CCDC136: variants seen among roughly 807,000 people sequenced by gnomAD.
CCDC136 encodes coiled-coil domain-containing protein 136.
CCDC136 carries 100 observed loss-of-function variants against 141.2 expected under a neutral mutation model. That is an observed-to-expected ratio of 0.71 (90% CI 0.60 to 0.84). The LOEUF is 0.84. CCDC136 is among the 40% of genes least tolerant of loss of function. The pLI, the probability that CCDC136 is intolerant of heterozygous loss-of-function variation, is 0.00. For missense variants in CCDC136, 1,206 were observed against 1,379.4 expected (o/e 0.87, Z 1.99); for synonymous variants, 474 against 531.9 (o/e 0.89, Z 1.50).
upstream of CCDC136, chr7:128,791,558 G>C (rs1024925687): frequency 7.9e-7 from 1 of 1,260,666 alleles, no homozygotes; most frequent in Non-Finnish European, 1.0e-6. The surrounding 1 kb of genome is among the most constrained non-coding windows in gnomAD (Gnocchi z 7.1). Flanking sequence ...CCAGGTCAGA[G>C]CCGCCCCTCC....
At position 128,805,521 on chromosome 7, in the gene CCDC136, C is replaced by T. The variant is rs752802052; in HGVS notation, c.945C>T (p.Asn315=). ...DAEEQMHGMK[N]KCQELCCELE... ...AAGAGCAGATGCATGGCATGAAGAA[C>T]AAGGTAGGGCACAGAGGGTGGGGAA... The change falls in exon 6 of 18, where the codon AAC becomes AAT. Residue 315 remains asparagine (N), a synonymous_variant. Coordinates refer to ENST00000297788, the MANE Select transcript of CCDC136 (RefSeq NM_022742.5). This position sits in a 1 kb window ranked among gnomAD's most constrained non-coding sequence, Gnocchi z 4.6. 6.2e-7 allele frequency: 1 copy of T among 1,604,846 alleles called. No homozygotes were observed. The highest frequency in any genetic ancestry group is 8.5e-7 in the Non-Finnish European group (1 of 1,174,392).
In CCDC136 at chr7:128,804,674, G is replaced by A. The variant is rs553416604; in HGVS notation, c.695G>A (p.Arg232His). 1.1e-5 allele frequency: 17 copies of A among 1,584,042 alleles called. No individual in the cohort carries two copies. The highest frequency in any genetic ancestry group is 6.9e-5 in the East Asian group (3 of 43,414). The change falls in exon 5 of 18, where the codon CGC (arginine) becomes CAC (histidine). Residue 232 changes from arginine (R) to histidine (H), a missense_variant. Transcript: ENST00000297788. Reference protein sequence around the residue: ...LQEELQELRERYHFLNEEYRA... With the variant: ...LQEELQELREHYHFLNEEYRA... ...GAAGAACTGCAGGAGCTGCGGGAAC[G>A]CTACCATTTCCTGAATGAGGAATAC...
Position 128,805,458 on chromosome 7 carries a change from T to C in CCDC136, c.882T>C (p.Pro294=). Residue 294 remains proline, a synonymous_variant, in exon 6 of 18, where the codon CCT becomes CCC. Transcript: ENST00000297788. The surrounding 1 kb of genome is among the most constrained non-coding windows in gnomAD (Gnocchi z 4.6). The part of the protein sequence containing the change: ...TSEMDFLEPD[P]EMQLLRQQLR... ...AAATGGATTTCTTAGAGCCTGATCC[T>C]GAAATGCAGTTGTTACGGCAGCAGC... The C allele has an allele frequency of 6.2e-7, 1 of 1,613,976 alleles. No individual in the cohort carries two copies. Among genetic ancestry groups the C allele is most frequent in the Non-Finnish European group, 8.5e-7 (1 of 1,179,864 alleles).
chr7:128,817,102 A>G lies in CCDC136; in HGVS notation c.3364-656A>G, dbSNP rs1007453302. Among the ~76,000 whole-genome samples the G allele has an allele frequency of 6.6e-6, 1 of 152,150 alleles. No individual in the cohort carries two copies. The highest frequency in any genetic ancestry group is 1.5e-5 in the Non-Finnish European group (1 of 68,030). On this transcript the variant is annotated intron_variant, in intron 16 of 17. Transcript: ENST00000297788. This position sits in a 1 kb window ranked among gnomAD's most constrained non-coding sequence, Gnocchi z 4.6. ...AGCTAGACCTGATTTTTCTACTTCA[A>G]ATATATTCTATGTTTCTATATATGG...
chr7:128,791,827 C>T, upstream of CCDC136: 1 of 388,860 alleles, frequency 2.6e-6, no homozygotes, highest in Middle Eastern at 6.3e-4. The surrounding 1 kb of genome is among the most constrained non-coding windows in gnomAD (Gnocchi z 7.1). Flanking sequence ...GGACTGCAGA[C>T]CCTACACCTC....
chr7:128,815,906 C>T lies in CCDC136; in HGVS notation c.3338C>T (p.Pro1113Leu), dbSNP rs746704644. Residue 1113 changes from proline to leucine, a missense_variant, in exon 16 of 18, where the codon CCC becomes CTC. Transcript: ENST00000297788. ...SSLESPEENNPLRLSESKKSS... is the reference protein window; with the variant it reads ...SSLESPEENNLLRLSESKKSS... ...CTTGAAAGTCCCGAAGAAAATAACC[C>T]CCTCAGACTTTCCGAGAGCAAAAAG... The T allele has an allele frequency of 1.9e-6, 3 of 1,612,166 alleles. No individual in the cohort carries two copies. Among genetic ancestry groups the T allele is most frequent in the South Asian group, 2.2e-5 (2 of 90,940 alleles).
At chr7:128,791,303 C>A, upstream of CCDC136, 1 of 348,892 alleles carries the variant, frequency 2.9e-6, no homozygotes, top group Non-Finnish European at 5.1e-6. The surrounding 1 kb of genome is among the most constrained non-coding windows in gnomAD (Gnocchi z 7.1). Flanking sequence ...GCCCCCTGCA[C>A]GGGCTCGGAG....
Position 128,792,148 on chromosome 7 carries a change from A to G in CCDC136, c.-264A>G. On this transcript the variant is annotated 5_prime_UTR_variant, in exon 1 of 18. Coordinates refer to ENST00000297788, the MANE Select transcript of CCDC136 (RefSeq NM_022742.5). The stretch of plus-strand genomic sequence containing the variant: ...GAGGAGGCTGGGAGGCAGGGCTGAG[A>G]GGTGGCCGAGAGAGAGGAGTCGCAG... 7.0e-7 allele frequency: 1 copy of G among 1,429,280 alleles called. No homozygotes were observed. The highest frequency in any genetic ancestry group is 2.7e-5 in the East Asian group (1 of 37,338). 88.5% of individuals were successfully genotyped at this position (1,429,280 alleles called of 1,614,324 possible).
intron 4 of CCDC136, among the ~76,000 whole-genome samples, chr7:128,803,377 A>G (rs538551717): frequency 6.6e-5 from 10 of 152,346 alleles, no homozygotes; most frequent in African/African-American, 2.4e-4. Context: ...AAAAGTGGGC[A>G]TGGTGACTCA....
chr7:128,808,468 T>C (rs1473129263), intron 10 of CCDC136: 2 of 985,048 alleles, frequency 2.0e-6, no homozygotes, highest in Admixed American at 6.1e-5. Flanking sequence ...TTCTTTTCCA[T>C]AGTGTATAAA....
chr7:128,807,310 C>T, intron 9 of CCDC136, 50 bp from the exon 10 acceptor site: 2 of 1,339,772 alleles, frequency 1.5e-6, no homozygotes, highest in Non-Finnish European at 2.0e-6. Context: ...GGAGAGAGTC[C>T]AGCAGCAGGA....
chr7:128,808,644 A>G, intron 10 of CCDC136: 1 of 985,406 alleles, frequency 1.0e-6, no homozygotes, highest in Non-Finnish European at 1.2e-6. Flanking sequence ...CCCTGGGGAA[A>G]GGCCTTCAGG....
intron 15 of CCDC136, among the ~76,000 whole-genome samples, chr7:128,815,263 G>A (rs758484436): frequency 7.9e-5 from 12 of 152,236 alleles, no homozygotes; most frequent in Non-Finnish European, 1.3e-4. Flanking sequence ...GATGAAGAGG[G>A]AGGAATTTGT....
At chr7:128,808,471 T>G in intron 10 of CCDC136, 3 of 985,256 alleles carry the variant, frequency 3.0e-6, no homozygotes, top group Non-Finnish European at 3.6e-6. Flanking sequence ...TTTTCCATAG[T>G]GTATAAAATG....
At position 128,814,716 on chromosome 7, in the gene CCDC136, G is replaced by T; in HGVS notation, c.2842G>T (p.Val948Leu). 1 of 1,613,646 alleles carries T rather than the reference G, an allele frequency of 6.2e-7. No homozygotes were observed. The highest frequency in any genetic ancestry group is 1.1e-5 in the South Asian group (1 of 91,020). Reference protein sequence around the residue: ...ASMDEQGRLLVVQEQLEGQLQ... With the variant: ...ASMDEQGRLLLVQEQLEGQLQ... ...CATGGATGAGCAGGGGCGGCTTCTG[G>T]TAGTGCAGGAGCAGCTGGAGGGGCA... Residue 948 changes from valine (V) to leucine (L), a missense_variant, in exon 15 of 18, where the codon GTA becomes TTA. Coordinates refer to ENST00000297788, the MANE Select transcript of CCDC136 (RefSeq NM_022742.5).
intron 17 of CCDC136, among the ~76,000 whole-genome samples, chr7:128,818,770 G>A (rs1044233214): frequency 6.6e-6 from 1 of 152,152 alleles, no homozygotes; most frequent in Non-Finnish European, 1.5e-5. Context: ...TGGTCTTACG[G>A]CCTAAGGTAG....
intron 3 of CCDC136, among the ~76,000 whole-genome samples, chr7:128,796,043 T>C (rs914294247): frequency 6.6e-6 from 1 of 152,180 alleles, no homozygotes; most frequent in African/African-American, 2.4e-5. Flanking sequence ...TGGCACAATC[T>C]CAGCTCACTT....
At chr7:128,793,963 C>T (rs962164309) in intron 1 of CCDC136, among the ~76,000 whole-genome samples, 5 of 152,132 alleles carry the variant, frequency 3.3e-5, no homozygotes, top group African/African-American at 1.2e-4. Context: ...GTAACTGTTA[C>T]CCCATTTGAC....
intron 1 of CCDC136, 33 bp downstream of exon 1, chr7:128,792,460 C>T (rs2128891220): frequency 6.6e-7 from 1 of 1,517,286 alleles, no homozygotes. Context: ...TTTCTTTCCC[C>T]TCCCCTCCTC....
Sources: allele counts gnomAD v4.1 joint callset (sites outside exome capture counted in the v4.1 genomes callset), GRCh38; gene constraint gnomAD v4.1.1; non-coding constraint Gnocchi (gnomAD v3.1); transcripts MANE v1.5; gene names NCBI Gene and HGNC (gene_info 2026-07-23, HGNC 2026-07-21).